The following PITRM1 variants were observed in gnomAD, a reference collection of about 807,000 sequenced individuals.
The protein encoded by PITRM1 is presequence protease, mitochondrial.
Under a neutral mutation model 129.9 loss-of-function variants are expected in PITRM1, and 100 were observed. The ratio of observed to expected loss-of-function variants is 0.77; its 90% confidence interval spans 0.65 to 0.91. The LOEUF (loss-of-function observed/expected upper bound fraction) is 0.91. Among genes scored for constraint, PITRM1 ranks in the 40% least tolerant of loss-of-function variants. The pLI, the probability that PITRM1 is intolerant of heterozygous loss-of-function variation, is 0.00. For synonymous variants in PITRM1, 591 were observed against 508.8 expected (o/e 1.16, Z -2.17); for missense variants, 1,471 against 1,318.3 (o/e 1.12, Z -1.79).
chr10:3,145,461 T>A, intron 21 of PITRM1, 135 bp downstream of exon 21: 1 of 714,910 alleles, frequency 1.4e-6, no homozygotes, highest in African/African-American at 1.8e-5. Flanking sequence ...AACCTCAGTT[T>A]CTTCATCTGC....
In PITRM1 at chr10:3,159,056, A is replaced by T; in HGVS notation, c.1008-14T>A. 2 of 1,603,838 alleles carry T rather than the reference A, an allele frequency of 1.2e-6. No homozygotes were observed. The highest frequency in any genetic ancestry group is 2.3e-5 in the South Asian group (2 of 88,752). ...GTGTCGGTGATGCTGCATTGAAAAA[A>T]AAAGGAACGGGGAGGTAAGAAAAGA... On this transcript the variant is annotated splice_polypyrimidine_tract_variant and intron_variant, in intron 9 of 26. Transcript: ENST00000224949.
At chr10:3,155,168 C>T (rs1042141158) in intron 14 of PITRM1, among the ~76,000 whole-genome samples, 15 of 152,114 alleles carry the variant, frequency 9.9e-5, no homozygotes, top group African/African-American at 1.2e-4. Context: ...GTGTGCCTCA[C>T]GCCTGTCCCA....
rs370091319 is a variant in PITRM1, at chr10:3,143,523, G to A, written c.2533-22C>T. On this transcript the variant is annotated intron_variant, in intron 22 of 26. Coordinates refer to ENST00000224949, the MANE Select transcript of PITRM1 (RefSeq NM_014889.4). ...GTTCCTGAGGGACACGGTATGGTCAGAGGCGGCTGTGCTGCCATGCACCGC... is the reference window on the plus strand; with the variant it reads ...GTTCCTGAGGGACACGGTATGGTCAAAGGCGGCTGTGCTGCCATGCACCGC... 35 of 1,541,552 alleles carry A rather than the reference G, an allele frequency of 2.3e-5. No homozygotes were observed. In the African/African-American group the frequency reaches 2.6e-4, roughly 11 times the overall value.
rs368991128 is a variant in PITRM1, at chr10:3,169,215, C to G, written c.159+889G>C. On this transcript the variant is annotated intron_variant, in intron 2 of 26. Coordinates refer to ENST00000224949, the MANE Select transcript of PITRM1 (RefSeq NM_014889.4). ...ATAAACCCAAGTGTCTTTGCCTGGC[C>G]TTTGCAGGATTTCACAAACGCTCCA... 7.2e-5 allele frequency among the ~76,000 whole-genome samples: 11 copies of G among 152,328 alleles called. No homozygotes were observed. In the East Asian group the frequency reaches 1.7e-3, roughly 24 times the overall value.
chr10:3,147,767 G>A, intron 18 of PITRM1, 30 bp from the exon 19 acceptor site: 1 of 1,547,986 alleles, frequency 6.5e-7, no homozygotes. Context: ...AAAAATTCCT[G>A]GAGACCCATT....
intron 23 of PITRM1, among the ~76,000 whole-genome samples, chr10:3,142,259 C>T (rs1840310829): frequency 6.6e-6 from 1 of 152,198 alleles, no homozygotes. Context: ...TTTCTGGGCC[C>T]CCACTGCAGC....
At chr10:3,162,678 TAA>T (rs1842547762) in intron 7 of PITRM1, among the ~76,000 whole-genome samples, 1 of 152,198 alleles carries the variant, frequency 6.6e-6, no homozygotes, top group Non-Finnish European at 1.5e-5. Flanking sequence ...TGACTCAAAC[TAA>T]GTCTTTGGAT....
chr10:3,155,204 T>C (rs1484959019), intron 14 of PITRM1, among the ~76,000 whole-genome samples: 2 of 152,170 alleles, frequency 1.3e-5, no homozygotes, highest in East Asian at 3.9e-4. Context: ...GCTCTGTGGC[T>C]GGCACACACC....
intron 3 of PITRM1, 99 bp downstream of exon 3, chr10:3,166,837 T>C: frequency 3.0e-6 from 2 of 672,922 alleles, no homozygotes; most frequent in South Asian, 3.8e-5. Context: ...CCTAAGACAG[T>C]TGTTCTTCTT....
intron 22 of PITRM1, chr10:3,143,921 G>A (rs1431632049): frequency 3.5e-5 from 18 of 513,648 alleles, no homozygotes; most frequent in East Asian, 1.7e-4. Flanking sequence ...AGGCTGAGTC[G>A]CGGAAAGGAT....
intron 20 of PITRM1, chr10:3,146,433 G>A (rs1840872441): frequency 6.6e-6 from 1 of 152,364 alleles, no homozygotes; most frequent in Non-Finnish European, 1.5e-5. Flanking sequence ...ACGCAAGTGG[G>A]TCAGCTGCCC....
chr10:3,143,369 C>T lies in PITRM1; in HGVS notation c.2645+20G>A. ...TCCGTAAGGCTCAGGCCTGAGAGGT[C>T]CCGACCTACACCCTCCTACCTGGCA... On this transcript the variant is annotated intron_variant, in intron 23 of 26. Transcript: ENST00000224949. The T allele has an allele frequency of 6.7e-7, 1 of 1,490,874 alleles. No individual in the cohort carries two copies. Among genetic ancestry groups the T allele is most frequent in the Non-Finnish European group, 9.4e-7 (1 of 1,067,584 alleles). The allele number at this position is 1,490,874 out of a possible 1,614,324, so 92.4% of individuals were successfully genotyped here.
In PITRM1 at chr10:3,147,185, A is replaced by AG. The variant is rs779919192; in HGVS notation, c.2300_2301insC (p.Ile768TyrfsTer9). On this transcript the variant is annotated frameshift_variant, in exon 20 of 27. Coordinates refer to ENST00000224949, the MANE Select transcript of PITRM1 (RefSeq NM_014889.4). LOFTEE classifies it high-confidence loss of function. The stretch of plus-strand genomic sequence containing the variant: ...CACCATTTAACAAGTGTTTCTTGAT[A>AG]CGCGGGAGCTTCCTCAGGATGGGTT... 3 of 1,604,340 alleles carry AG rather than the reference A, an allele frequency of 1.9e-6. No homozygotes were observed. In the South Asian group the frequency reaches 3.3e-5, roughly 18 times the overall value.
At chr10:3,165,186 T>C (rs1450961300) in intron 6 of PITRM1, 52 bp downstream of exon 6, 2 of 1,220,682 alleles carry the variant, frequency 1.6e-6, no homozygotes, top group Non-Finnish European at 2.3e-6. Context: ...ATCATGATAT[T>C]GTACATGGGA....
intron 9 of PITRM1, among the ~76,000 whole-genome samples, chr10:3,159,296 G>A (rs936539415): frequency 7.2e-5 from 11 of 152,186 alleles, no homozygotes; most frequent in South Asian, 4.1e-4. Context: ...CTTTTCACAC[G>A]TGATTTAAAT....
intron 1 of PITRM1, among the ~76,000 whole-genome samples, chr10:3,170,610 C>G (rs1236601753): frequency 6.6e-6 from 1 of 152,180 alleles, no homozygotes; most frequent in Non-Finnish European, 1.5e-5. Context: ...TTGCTGAAAA[C>G]TTAAAAAGCC....
intron 2 of PITRM1, 110 bp from the exon 3 acceptor site, chr10:3,167,152 G>A: frequency 1.6e-6 from 1 of 635,444 alleles, no homozygotes. Flanking sequence ...ATTAGATGAT[G>A]CCGGGAAGGC....
chr10:3,155,561 G>A, intron 14 of PITRM1, 30 bp downstream of exon 14: 1 of 1,613,046 alleles, frequency 6.2e-7, no homozygotes, highest in Non-Finnish European at 8.5e-7. Context: ...GCAGGTTAGG[G>A]ACTCGCCAGC....
chr10:3,153,456 A>G (rs1720575337), intron 14 of PITRM1, among the ~76,000 whole-genome samples: 1 of 152,200 alleles, frequency 6.6e-6, no homozygotes. Flanking sequence ...AGTCTCCACT[A>G]AAAATACAAA....
Sources: allele counts gnomAD v4.1 joint callset (sites outside exome capture counted in the v4.1 genomes callset), GRCh38; gene constraint gnomAD v4.1.1; transcripts MANE v1.5; gene names NCBI Gene and HGNC (gene_info 2026-07-23, HGNC 2026-07-21).